Variants in CEACAM7 observed in about 807,000 individuals in gnomAD.
The protein encoded by CEACAM7 is CEA cell adhesion molecule 7, also known as cell adhesion molecule CEACAM7.
Under a neutral mutation model 25.7 loss-of-function variants are expected in CEACAM7, and 24 were observed. The ratio of observed to expected loss-of-function variants is 0.93; its 90% CI spans 0.68 to 1.31. CEACAM7 has a LOEUF of 1.31. CEACAM7 is among the 40% of genes most tolerant of loss of function. The pLI, the probability that CEACAM7 is intolerant of heterozygous loss-of-function variation, is 0.00. For missense variants in CEACAM7, 324 were observed against 330.1 expected (o/e 0.98, Z 0.14); for synonymous variants, 144 against 129.4 (o/e 1.11, Z -0.77).
intron 3 of CEACAM7, among the ~76,000 whole-genome samples, chr19:41,681,240 G>A (rs942776927): frequency 6.6e-6 from 1 of 152,112 alleles, no homozygotes; most frequent in Non-Finnish European, 1.5e-5. Context: ...CACATGTTAG[G>A]ATGGCTTTGA....
rs377582918 is a variant in CEACAM7, at chr19:41,686,921, G to T, written c.365C>A (p.Thr122Asn). The T allele has an allele frequency of 6.3e-6, 10 of 1,587,180 alleles. No homozygotes were observed. The highest frequency in any genetic ancestry group is 3.6e-5 in the Admixed American group (2 of 55,928). ...NVTHNDAGIY[T>N]LHVIKENLVN... ...AAGATTTTCTTTTATAACGTGTAGG[G>T]TATAGATTCCTGCGTCATTGTGGGT... The change falls in exon 2 of 5, where the codon ACC (threonine) becomes AAC (asparagine). Residue 122 changes from threonine (T) to asparagine (N), a missense_variant. Physicochemically the swap from Thr to Asn is moderately conservative, Grantham distance 65. Coordinates refer to ENST00000401731, the MANE Select transcript of CEACAM7 (RefSeq NM_001291485.2).
rs903762545 is a variant in CEACAM7, at chr19:41,678,648, T to C, written c.707-1145A>G. 5.9e-5 allele frequency among the ~76,000 whole-genome samples: 9 copies of C among 152,282 alleles called. No individual in the cohort carries two copies. In the East Asian group the frequency reaches 1.7e-3, roughly 29 times the overall value. ...TAGAGTGGTGAAAAAACTTACCCAATGTCATACAGCTAGTGACAGGCGGAT... is the reference window on the plus strand; with the variant it reads ...TAGAGTGGTGAAAAAACTTACCCAACGTCATACAGCTAGTGACAGGCGGAT... On this transcript the variant is annotated intron_variant, in intron 3 of 4. Coordinates refer to ENST00000401731, the MANE Select transcript of CEACAM7 (RefSeq NM_001291485.2).
Position 41,688,200 on chromosome 19 carries a change from A to C in CEACAM7, c.-35T>G, listed in dbSNP as rs782779064. The stretch of plus-strand genomic sequence containing the variant: ...TGCCTGCTTGTCCTCTGTGGAGAAG[A>C]GCTTGGGCTCCAGGAACTCTCTTGT... On this transcript the variant is annotated 5_prime_UTR_variant, in exon 1 of 5. Transcript: ENST00000401731. 2 of 1,600,758 alleles carry C rather than the reference A, an allele frequency of 1.2e-6. No homozygotes were observed. The highest frequency in any genetic ancestry group is 1.1e-5 in the South Asian group (1 of 89,764).
chr19:41,676,305 A>T (rs1555810092), intron 4 of CEACAM7, among the ~76,000 whole-genome samples: 1 of 152,076 alleles, frequency 6.6e-6, no homozygotes, highest in African/African-American at 2.4e-5. Flanking sequence ...TTCCCATTAG[A>T]TTTCTCTTTC....
At position 41,688,155 on chromosome 19, in the gene CEACAM7, G is replaced by A. The variant is rs782592845; in HGVS notation, c.11C>T (p.Pro4Leu). ...GCACACTCTGTATGGACAGGCTGAA[G>A]GGGACCCCATGGTCTCTGCTGCCTG... is the stretch of plus-strand genomic sequence containing the variant. MGS[P>L]SACPYRVCIP... The change falls in exon 1 of 5, where the codon CCT becomes CTT. Residue 4 changes from proline (P) to leucine (L), a missense_variant. Pro to Leu is a moderately conservative substitution (Grantham distance 98). Transcript: ENST00000401731. 5.6e-6 allele frequency: 9 copies of A among 1,610,912 alleles called. No individual in the cohort carries two copies. Among genetic ancestry groups the A allele is most frequent in the Non-Finnish European group, 7.6e-6 (9 of 1,178,300 alleles).
At chr19:41,681,865 G>A (rs2072178679) in intron 3 of CEACAM7, among the ~76,000 whole-genome samples, 1 of 152,214 alleles carries the variant, frequency 6.6e-6, no homozygotes, top group Non-Finnish European at 1.5e-5. Flanking sequence ...GAGTGCAGAG[G>A]TTTAGCATGG....
rs1555810219 is a variant in CEACAM7 at position 41,677,411 on chromosome 19, G to C, written c.*1C>G. The C allele has an allele frequency of 6.2e-7, 1 of 1,608,924 alleles. No individual in the cohort carries two copies. Among genetic ancestry groups the C allele is most frequent in the East Asian group, 2.2e-5 (1 of 44,850 alleles). ...GAAATGCAGAAACTACACCAAGGCT[G>C]CTATATCAGAGCCATCCCAGCCAGT... On this transcript the variant is annotated 3_prime_UTR_variant, in exon 4 of 5. Transcript: ENST00000401731.
chr19:41,674,582 C>G lies in CEACAM7; in HGVS notation c.*194G>C. On this transcript the variant is annotated 3_prime_UTR_variant, in exon 5 of 5. Coordinates refer to ENST00000401731, the MANE Select transcript of CEACAM7 (RefSeq NM_001291485.2). ...ATGGTGTTGAACATTTTGGTTAGCTCTGAGTGGCCCACATCTCAGGCATGA... is the reference window on the plus strand; with the variant it reads ...ATGGTGTTGAACATTTTGGTTAGCTGTGAGTGGCCCACATCTCAGGCATGA... The G allele has an allele frequency of 6.8e-6, 2 of 294,358 alleles. No individual in the cohort carries two copies. Among genetic ancestry groups the G allele is most frequent in the South Asian group, 3.3e-5 (1 of 30,446 alleles). The allele number at this position is 294,358 out of a possible 1,614,324, so 18.2% of individuals were successfully genotyped here. A position where few individuals can be genotyped will look rare whatever the true frequency, so the allele number is the denominator to read the frequency against.
chr19:41,676,546 T>C (rs557144618), intron 4 of CEACAM7, among the ~76,000 whole-genome samples: 3 of 152,296 alleles, frequency 2.0e-5, no homozygotes, highest in Admixed American at 6.5e-5. Flanking sequence ...TCGTCTGTCT[T>C]AGGCTTTATG....
intron 3 of CEACAM7, among the ~76,000 whole-genome samples, chr19:41,682,410 A>G (rs1243488221): frequency 1.3e-5 from 2 of 152,014 alleles, no homozygotes; most frequent in Admixed American, 6.6e-5. Context: ...TATTTGTCCA[A>G]ATGTTCATCC....
chr19:41,681,697 T>C (rs2072177422), intron 3 of CEACAM7, among the ~76,000 whole-genome samples: 1 of 152,202 alleles, frequency 6.6e-6, no homozygotes, highest in Admixed American at 6.5e-5. Flanking sequence ...AAAGACGTTA[T>C]GCTAAGTGAA....
chr19:41,680,388 A>G (rs2072162755), intron 3 of CEACAM7, among the ~76,000 whole-genome samples: 1 of 152,152 alleles, frequency 6.6e-6, no homozygotes, highest in Non-Finnish European at 1.5e-5. Flanking sequence ...CCAGAATCCC[A>G]GTGGCATATT....
Sources: gnomAD v4.1 joint callset for allele counts (sites outside exome capture counted in the v4.1 genomes callset) on GRCh38, gnomAD v4.1.1 for gene constraint, MANE v1.5 for transcripts, NCBI Gene and HGNC (gene_info 2026-07-23, HGNC 2026-07-21) for gene names.